The following MPPED1 variants were observed in gnomAD, a reference collection of about 807,000 sequenced individuals.
MPPED1 encodes metallophosphoesterase domain-containing protein 1.
In MPPED1, 16 loss-of-function variants were observed where a neutral mutation model predicts 36.2. The ratio of observed to expected loss-of-function variants is 0.44; its 90% CI spans 0.30 to 0.67. MPPED1 has a LOEUF of 0.67. MPPED1 is among the 30% of genes least tolerant of loss of function. The probability of loss-of-function intolerance (pLI) is 0.10; values close to 1 mark genes in which losing one functional copy is unlikely to be tolerated. For missense variants in MPPED1, 307 were observed against 453.4 expected, an observed-to-expected ratio of 0.68 and a Z score of 2.93; for synonymous variants, 199 against 191.3, an observed-to-expected ratio of 1.04 and a Z score of -0.33.
At chr22:43,472,726 C>A (rs1047756390) in intron 3 of MPPED1, among the ~76,000 whole-genome samples, 7 of 152,222 alleles carry the variant, frequency 4.6e-5, no homozygotes, top group African/African-American at 1.7e-4. Flanking sequence ...CCCTTTCTTA[C>A]CGCCCTGGCC....
Position 43,474,824 on chromosome 22 carries a change from G to A in MPPED1, c.495G>A (p.Gln165=), listed in dbSNP as rs201486622. Residue 165 remains glutamine, a synonymous_variant, in exon 4 of 7, where the codon CAG becomes CAA. Coordinates refer to ENST00000443721, the MANE Select transcript of MPPED1 (RefSeq NM_001044370.2). This position sits in a 1 kb window ranked among gnomAD's most constrained non-coding sequence, Gnocchi z 5.2. ...AGTTCATGGCCGACCTCATCAAGCA[G>A]GACTTTTACTACTTCCCATCTGTGT... ...DQEFMADLIK[Q]DFYYFPSVSK... 7.3e-4 allele frequency: 1,178 copies of A among 1,614,076 alleles called. 1 individual carries two copies. The highest frequency in any genetic ancestry group is 9.9e-4 in the Middle Eastern group (6 of 6,062).
chr22:43,467,533 C>A (rs1931214728), intron 3 of MPPED1, among the ~76,000 whole-genome samples: 1 of 152,226 alleles, frequency 6.6e-6, no homozygotes, highest in Non-Finnish European at 1.5e-5. Context: ...TGCACCAAGA[C>A]CCCACGGTGG....
At chr22:43,419,794 T>C (rs1929201754) in intron 1 of MPPED1, among the ~76,000 whole-genome samples, 1 of 152,022 alleles carries the variant, frequency 6.6e-6, no homozygotes, top group African/African-American at 2.4e-5. Flanking sequence ...TCGGACCTCT[T>C]TCCTAGACAC....
chr22:43,478,130 G>A (rs1368384780), intron 4 of MPPED1, among the ~76,000 whole-genome samples: 4 of 152,244 alleles, frequency 2.6e-5, no homozygotes, highest in African/African-American at 9.6e-5. Flanking sequence ...GGGCACCCGC[G>A]GGGTGGCCCT....
chr22:43,451,188 A>G (rs1930555393), intron 3 of MPPED1, among the ~76,000 whole-genome samples: 1 of 151,394 alleles, frequency 6.6e-6, no homozygotes. Flanking sequence ...TGTATTTTTA[A>G]TAGAGACTGG....
intron 1 of MPPED1, chr22:43,417,802 A>C: frequency 3.4e-6 from 1 of 291,520 alleles, no homozygotes; most frequent in Non-Finnish European, 6.8e-6. Flanking sequence ...AGGCAGCTGC[A>C]CTTTTGGCTG....
rs373131918 is a variant in MPPED1 at position 43,435,020 on chromosome 22, A to G, written c.225-14A>G. 91 of 1,611,166 alleles carry G rather than the reference A, an allele frequency of 5.6e-5. No homozygotes were observed. Among genetic ancestry groups the G allele is most frequent in the Non-Finnish European group, 7.3e-5 (86 of 1,178,240 alleles). On this transcript the variant is annotated splice_polypyrimidine_tract_variant and intron_variant, in intron 2 of 6. Transcript: ENST00000443721. ...CCATGGCCTCCTGATCCGCAGTGTCATCTCTCCCTGCAGGGTGGACCCGGT... is the reference window on the plus strand; with the variant it reads ...CCATGGCCTCCTGATCCGCAGTGTCGTCTCTCCCTGCAGGGTGGACCCGGT...
At chr22:43,433,840 A>G (rs913787237) in intron 2 of MPPED1, among the ~76,000 whole-genome samples, 1 of 152,208 alleles carries the variant, frequency 6.6e-6, no homozygotes, top group African/African-American at 2.4e-5. Flanking sequence ...GGTTTGCCGC[A>G]TAATTAGATT....
At chr22:43,476,071 G>A (rs1361321006) in intron 4 of MPPED1, among the ~76,000 whole-genome samples, 1 of 146,744 alleles carries the variant, frequency 6.8e-6, no homozygotes, top group African/African-American at 2.5e-5. Context: ...GATGATCATG[G>A]TGGGGGTGGT....
At chr22:43,456,827 G>T (rs1022098796) in intron 3 of MPPED1, among the ~76,000 whole-genome samples, 6 of 152,122 alleles carry the variant, frequency 3.9e-5, no homozygotes, top group African/African-American at 1.2e-4. Flanking sequence ...ATCATGAAAG[G>T]GTGTTTTATT....
intron 5 of MPPED1, among the ~76,000 whole-genome samples, chr22:43,500,218 T>G (rs1411678564): frequency 1.0e-5 from 1 of 98,560 alleles, no homozygotes; most frequent in Admixed American, 9.6e-5. Flanking sequence ...GTGGTGGGGG[T>G]GATGGTGGAG....
At chr22:43,499,433 AGGT>A (rs950871370) in intron 5 of MPPED1, among the ~76,000 whole-genome samples, 9 of 90,662 alleles carry the variant, frequency 9.9e-5, no homozygotes, top group East Asian at 4.0e-4. Flanking sequence ...GTGATGTGGG[AGGT>A]GGTGGTGGTG....
intron 3 of MPPED1, among the ~76,000 whole-genome samples, chr22:43,436,788 G>A (rs1057058529): frequency 6.6e-6 from 1 of 152,232 alleles, no homozygotes; most frequent in Non-Finnish European, 1.5e-5. Flanking sequence ...TGCCAGGCAC[G>A]GGGTGGCAGG....
intron 3 of MPPED1, among the ~76,000 whole-genome samples, chr22:43,457,657 C>A (rs1930801673): frequency 6.6e-6 from 1 of 151,882 alleles, no homozygotes; most frequent in Non-Finnish European, 1.5e-5. Context: ...AATTTCATTT[C>A]TTTTACTATA....
chr22:43,502,117 G>A lies in MPPED1; in HGVS notation c.749-527G>A, dbSNP rs1275306546. ...CAGGCGCAGGCGCAGCCACGTGAGC[G>A]ATGCTGCACCCACGGAGGAAGTTTC... On this transcript the variant is annotated intron_variant, in intron 5 of 6. Transcript: ENST00000443721. The surrounding 1 kb of genome is among the most constrained non-coding windows in gnomAD (Gnocchi z 5.5). 2.0e-5 allele frequency among the ~76,000 whole-genome samples: 3 copies of A among 152,288 alleles called. No individual in the cohort carries two copies. Among genetic ancestry groups the A allele is most frequent in the East Asian group, 1.9e-4 (1 of 5,152 alleles).
At chr22:43,445,880 A>ATT (rs78165973) in intron 3 of MPPED1, among the ~76,000 whole-genome samples, 2,639 of 125,756 alleles carry the variant, frequency 0.021, 191 homozygotes, top group African/African-American at 0.057. Context: ...TGGTGTTTAC[A>ATT]TTTTCTTTTT....
intron 3 of MPPED1, among the ~76,000 whole-genome samples, chr22:43,445,558 CTTT>C (rs135055): frequency 1.6e-5 from 2 of 123,892 alleles, no homozygotes; most frequent in African/African-American, 3.2e-5. Flanking sequence ...CTGATGTTTC[CTTT>C]TTTTTTTTTT....
intron 5 of MPPED1, among the ~76,000 whole-genome samples, chr22:43,500,119 TGGTGATGGAGGTGGTAATGGA>T (rs1292221765): frequency 8.4e-4 from 87 of 103,238 alleles, no homozygotes; most frequent in Non-Finnish European, 1.3e-3. Context: ...GTGATGAAGG[TGGTGATGGAGGTGGTAATGGA>T]GGTGGTGGGG....
rs1036985790 is a variant in MPPED1, at chr22:43,425,111, G to A, written c.126G>A (p.Arg42=). The part of the protein sequence containing the change: ...VMAARRHQHS[R]LIIEVDEYSS... ...CCGCTCGGCGGCACCAGCACAGCCG[G>A]CTCATCATCGAGGTGGACGAGTACA... Residue 42 remains arginine (R), a synonymous_variant, in exon 2 of 7, where the codon CGG becomes CGA. Transcript: ENST00000443721. 5.0e-6 allele frequency: 8 copies of A among 1,613,842 alleles called. No individual in the cohort carries two copies. Among genetic ancestry groups the A allele is most frequent in the Non-Finnish European group, 5.9e-6 (7 of 1,179,896 alleles).
Sources: gnomAD v4.1 joint callset for allele counts (sites outside exome capture counted in the v4.1 genomes callset) on GRCh38, gnomAD v4.1.1 for gene constraint, Gnocchi (gnomAD v3.1) non-coding constraint, MANE v1.5 for transcripts, NCBI Gene and HGNC (gene_info 2026-07-23, HGNC 2026-07-21) for gene names.